COX5A: variants seen among roughly 807,000 people sequenced by gnomAD.
The protein encoded by COX5A is cytochrome c oxidase subunit 5A.
COX5A carries 6 observed loss-of-function variants against 16.1 expected under a neutral mutation model. The observed-to-expected ratio is 0.37, with a 90% CI of 0.20 to 0.73. The LOEUF is 0.73. Ranked by LOEUF, COX5A falls within the 30% of genes least tolerant of loss-of-function variation. The probability of loss-of-function intolerance (pLI) is 0.50; values close to 1 mark genes in which losing one functional copy is unlikely to be tolerated. For synonymous variants in COX5A, 73 were observed against 73.8 expected, an observed-to-expected ratio of 0.99 and a Z score of 0.06; for missense variants, 159 against 194.9, an observed-to-expected ratio of 0.82 and a Z score of 1.10.
intron 4 of COX5A, among the ~76,000 whole-genome samples, chr15:74,922,697 ACT>A (rs2141269838): frequency 7.5e-6 from 1 of 134,214 alleles, no homozygotes; most frequent in South Asian, 2.3e-4. Flanking sequence ...ACAGAGTCTC[ACT>A]CTGTCACCCA....
chr15:74,926,527 A>G (rs2065345346), intron 3 of COX5A, among the ~76,000 whole-genome samples: 1 of 152,126 alleles, frequency 6.6e-6, no homozygotes, highest in African/African-American at 2.4e-5. Flanking sequence ...AAAAAAGAAA[A>G]AAGATAAATT....
At chr15:74,930,145 C>T (rs185327988) in intron 1 of COX5A, among the ~76,000 whole-genome samples, 1 of 151,360 alleles carries the variant, frequency 6.6e-6, no homozygotes, top group African/African-American at 2.4e-5. Flanking sequence ...CTAGGCCGGG[C>T]GCAGTGGCTC....
chr15:74,925,098 G>A (rs1453334254), intron 3 of COX5A, among the ~76,000 whole-genome samples: 5 of 152,218 alleles, frequency 3.3e-5, no homozygotes, highest in East Asian at 1.9e-4. Context: ...TGAGGCGGGC[G>A]GATCAACTGA....
At chr15:74,934,252 C>T (rs1198823453) in intron 1 of COX5A, among the ~76,000 whole-genome samples, 1 of 151,890 alleles carries the variant, frequency 6.6e-6, no homozygotes, top group African/African-American at 2.4e-5. Context: ...CTATATCAAA[C>T]AAATTAAAAT....
chr15:74,920,465 T>C, intron 4 of COX5A, 23 bp from the exon 5 acceptor site: 1 of 685,044 alleles, frequency 1.5e-6, no homozygotes, highest in Non-Finnish European at 2.6e-6. Context: ...ACACAAAGAA[T>C]TAGCCAGGAA....
At chr15:74,935,282 CCT>C (rs1348072752) in intron 1 of COX5A, among the ~76,000 whole-genome samples, 7 of 150,780 alleles carry the variant, frequency 4.6e-5, no homozygotes, top group Admixed American at 2.7e-4. Context: ...AGAGCGAGAC[CCT>C]GTCTCAAAAA....
In COX5A at chr15:74,931,864, TTTC is replaced by T. The variant is rs2065369109; in HGVS notation, c.101-2635_101-2633del. The stretch of plus-strand genomic sequence containing the variant: ...CCACTGCACCCAGCCCCATTTTTTC[TTTC>T]TTCTTGTCAAATGGACACTGAATTG... On this transcript the variant is annotated intron_variant, in intron 1 of 4. Transcript: ENST00000322347. 3.9e-5 allele frequency among the ~76,000 whole-genome samples: 6 copies of T among 152,242 alleles called. No homozygotes were observed. The South Asian group carries it at 1.0e-3, about 26-fold the overall frequency.
chr15:74,937,131 C>A (rs562160383), intron 1 of COX5A, among the ~76,000 whole-genome samples: 1 of 152,156 alleles, frequency 6.6e-6, no homozygotes, highest in Admixed American at 6.6e-5. Flanking sequence ...AACCTCCCAG[C>A]ACACATATAA....
Position 74,935,640 on chromosome 15 carries a change from T to A in COX5A, c.100+2275A>T, listed in dbSNP as rs189356493. 8.6e-3 allele frequency among the ~76,000 whole-genome samples: 1,305 copies of A among 151,870 alleles called. 21 individuals are homozygous for A. Among genetic ancestry groups the A allele is most frequent in the African/African-American group, 0.03 (1,263 of 41,488 alleles). ...ATAAATAAATAAATAAAAAATTTTT[T>A]TTTTGAGATGGCATGATTTCGGCTC... On this transcript the variant is annotated intron_variant, in intron 1 of 4. Transcript: ENST00000322347.
At position 74,938,003 on chromosome 15, in the gene COX5A, G is replaced by A. The variant is rs2065400115; in HGVS notation, c.12C>T (p.Ala4=). Residue 4 remains alanine (A), a synonymous_variant, in exon 1 of 5, where the codon GCC becomes GCT. Coordinates refer to ENST00000322347, the MANE Select transcript of COX5A (RefSeq NM_004255.4). ...CGGCCACAGCGCAGCGGCGGAGAGCGGCGCCCAGCATGACGGCGATGGCGG... is the reference window on the plus strand; with the variant it reads ...CGGCCACAGCGCAGCGGCGGAGAGCAGCGCCCAGCATGACGGCGATGGCGG... MLG[A]ALRRCAVAAT... 5 of 1,231,694 alleles carry A rather than the reference G, an allele frequency of 4.1e-6. No individual in the cohort carries two copies. The highest frequency in any genetic ancestry group is 4.0e-6 in the Non-Finnish European group (4 of 987,704). The allele number at this position is 1,231,694 out of a possible 1,614,324, so 76.3% of individuals were successfully genotyped here.
At chr15:74,926,170 G>T (rs1163391986) in intron 3 of COX5A, among the ~76,000 whole-genome samples, 1 of 151,380 alleles carries the variant, frequency 6.6e-6, no homozygotes, top group African/African-American at 2.4e-5. Flanking sequence ...CTCCTGAGTA[G>T]CTGGGACTAC....
intron 2 of COX5A, 95 bp from the exon 3 acceptor site, chr15:74,926,982 T>C (rs1259738979): frequency 1.8e-5 from 25 of 1,370,204 alleles, no homozygotes; most frequent in Non-Finnish European, 2.4e-5. Flanking sequence ...ATGTATGATC[T>C]TATCTGTCTG....
intron 1 of COX5A, among the ~76,000 whole-genome samples, chr15:74,932,984 C>T (rs1157023958): frequency 1.3e-5 from 2 of 151,962 alleles, no homozygotes; most frequent in African/African-American, 4.8e-5. Flanking sequence ...GCATGAGCCA[C>T]GGTGCCCAGC....
chr15:74,934,204 G>A (rs1208993755), intron 1 of COX5A, among the ~76,000 whole-genome samples: 2 of 152,070 alleles, frequency 1.3e-5, no homozygotes, highest in African/African-American at 2.4e-5. Flanking sequence ...AGCTATGACT[G>A]CGCCACTGCA....
intron 4 of COX5A, among the ~76,000 whole-genome samples, chr15:74,922,112 C>CGTG (rs1411706785): frequency 6.6e-6 from 1 of 152,144 alleles, no homozygotes; most frequent in Non-Finnish European, 1.5e-5. Flanking sequence ...CCCACCTGGG[C>CGTG]GTGGTGGCTC....
chr15:74,926,608 T>C (rs910553845), intron 3 of COX5A, among the ~76,000 whole-genome samples, 158 bp downstream of exon 3: 2 of 152,176 alleles, frequency 1.3e-5, no homozygotes, highest in African/African-American at 2.4e-5. Context: ...GCTGCCAAAG[T>C]AGCCTCTAGA....
intron 3 of COX5A, among the ~76,000 whole-genome samples, chr15:74,924,466 A>T (rs973657373): frequency 6.6e-6 from 1 of 152,260 alleles, no homozygotes; most frequent in Non-Finnish European, 1.5e-5. Context: ...GGTTGCAGTG[A>T]GCTGAGATCA....
Position 74,937,999 on chromosome 15 carries a change from G to A in COX5A, c.16C>T (p.Leu6Phe), listed in dbSNP as rs777234392. 6.0e-4 allele frequency: 743 copies of A among 1,231,986 alleles called. 1 individual carries two copies. The highest frequency in any genetic ancestry group is 7.2e-4 in the Admixed American group (17 of 23,650). The allele number at this position is 1,231,986 out of a possible 1,614,324, so 76.3% of individuals were successfully genotyped here. The change falls in exon 1 of 5, where the codon CTC (leucine) becomes TTC (phenylalanine). Residue 6 changes from leucine to phenylalanine, a missense_variant. Coordinates refer to ENST00000322347, the MANE Select transcript of COX5A (RefSeq NM_004255.4). MLGAA[L>F]RRCAVAATTR... ...GTTGCGGCCACAGCGCAGCGGCGGAGAGCGGCGCCCAGCATGACGGCGATG... is the reference window on the plus strand; with the variant it reads ...GTTGCGGCCACAGCGCAGCGGCGGAAAGCGGCGCCCAGCATGACGGCGATG...
intron 1 of COX5A, 96 bp from the exon 2 acceptor site, chr15:74,929,328 G>A (rs2065356561): frequency 1.3e-6 from 1 of 780,778 alleles, no homozygotes; most frequent in Non-Finnish European, 2.2e-6. Flanking sequence ...TATATGTTGT[G>A]GCAGCAAAAA....
Sources: gnomAD v4.1 joint callset for allele counts (sites outside exome capture counted in the v4.1 genomes callset) on GRCh38, gnomAD v4.1.1 for gene constraint, MANE v1.5 for transcripts, NCBI Gene and HGNC (gene_info 2026-07-23, HGNC 2026-07-21) for gene names.